The following KMT2A variants were observed in gnomAD, a reference collection of about 807,000 sequenced individuals.
KMT2A encodes the protein histone-lysine N-methyltransferase 2A.
A neutral mutation model predicts 345.3 loss-of-function variants in KMT2A; 16 were observed. That is an observed-to-expected ratio of 0.05 (90% CI 0.03 to 0.07). The LOEUF is 0.07. KMT2A is among the 10% of genes least tolerant of loss of function. KMT2A has a pLI of 1.00. For missense variants in KMT2A, 3,272 were observed against 4,841.6 expected, an observed-to-expected ratio of 0.68 and a Z score of 9.62; for synonymous variants, 1,599 against 1,778.6, an observed-to-expected ratio of 0.90 and a Z score of 2.54.
chr11:118,498,634 C>G lies in KMT2A; in HGVS notation c.5961+106C>G. 6 of 1,126,612 alleles carry G rather than the reference C, an allele frequency of 5.3e-6. No individual in the cohort carries two copies. The highest frequency in any genetic ancestry group is 7.5e-6 in the Non-Finnish European group (6 of 803,078). 69.8% of individuals were successfully genotyped at this position (1,126,612 alleles called of 1,614,324 possible). On this transcript the variant is annotated intron_variant, in intron 22 of 35. Coordinates refer to ENST00000534358, the MANE Select transcript of KMT2A (RefSeq NM_001197104.2). This position sits in a 1 kb window ranked among gnomAD's most constrained non-coding sequence, Gnocchi z 4.4. ...AAGGTACAGAGATTTCCCATATGCC[C>G]CCTGCACCCACATATGCACAGCCTC... is the stretch of plus-strand genomic sequence containing the variant.
intron 11 of KMT2A, 40 bp downstream of exon 11, chr11:118,488,800 A>G (rs367955871): frequency 6.9e-6 from 11 of 1,601,676 alleles, no homozygotes; most frequent in Middle Eastern, 1.7e-4. Context: ...GGGCCTCTGT[A>G]TCAGTGGGTT....
In KMT2A at chr11:118,503,343, A is replaced by G. The variant is rs782475453; in HGVS notation, c.7451A>G (p.Asn2484Ser). 4 of 1,614,006 alleles carry G rather than the reference A, an allele frequency of 2.5e-6. No homozygotes were observed. Among genetic ancestry groups the G allele is most frequent in the South Asian group, 2.2e-5 (2 of 91,082 alleles). Residue 2484 changes from asparagine (N) to serine (S), a missense_variant, in exon 27 of 36, where the codon AAT (asparagine) becomes AGT (serine). Coordinates refer to ENST00000534358, the MANE Select transcript of KMT2A (RefSeq NM_001197104.2). The surrounding 1 kb of genome is among the most constrained non-coding windows in gnomAD (Gnocchi z 5.3). ...TATATGGGCCAACGACCATGTAACA[A>G]TGTTTCTTCTGATAAGATTGGTGAT... ...PEYMGQRPCN[N>S]VSSDKIGDKG... is the part of the protein sequence containing the mutation.
At chr11:118,446,128 C>T (rs1949416121) in intron 1 of KMT2A, among the ~76,000 whole-genome samples, 1 of 149,008 alleles carries the variant, frequency 6.7e-6, no homozygotes, top group Admixed American at 6.7e-5. Context: ...GCAGGCAGAT[C>T]ACTTGAGGTC....
In KMT2A at chr11:118,506,074, G is replaced by A. The variant is rs782591418; in HGVS notation, c.10182G>A (p.Gly3394=). 8.1e-6 allele frequency: 13 copies of A among 1,614,176 alleles called. No individual in the cohort carries two copies. Among genetic ancestry groups the A allele is most frequent in the Non-Finnish European group, 1.1e-5 (13 of 1,180,036 alleles). The change falls in exon 27 of 36, where the codon GGG becomes GGA. Residue 3394 remains glycine, a synonymous_variant. Coordinates refer to ENST00000534358, the MANE Select transcript of KMT2A (RefSeq NM_001197104.2). Reference sequence around the variant, plus strand: ...TCAAAGCTAGCCAGCAGAGCCTGGGGATTCAGGACCAGCCTGTGGCTTTAC... The same window carrying A: ...TCAAAGCTAGCCAGCAGAGCCTGGGAATTCAGGACCAGCCTGTGGCTTTAC... ...LLIKASQQSL[G]IQDQPVALPP...
rs782711321 is a variant in KMT2A at position 118,489,830 on chromosome 11, C to T, written c.4518C>T (p.His1506=). 5 of 1,614,146 alleles carry T rather than the reference C, an allele frequency of 3.1e-6. No individual in the cohort carries two copies. The Admixed American group carries it at 8.3e-5, about 27-fold the overall frequency. The stretch of plus-strand genomic sequence containing the variant: ...GTAATAAGTGCCGAAACAGCTATCA[C>T]CCTGAGTGCCTGGGACCAAACTACC... ...LECNKCRNSY[H]PECLGPNYPT... Residue 1506 remains histidine (H), a synonymous_variant, in exon 12 of 36, where the codon CAC becomes CAT. Coordinates refer to ENST00000534358, the MANE Select transcript of KMT2A (RefSeq NM_001197104.2).
chr11:118,449,394 C>A (rs1456790838), intron 1 of KMT2A: 1 of 147,006 alleles, frequency 6.8e-6, no homozygotes, highest in Non-Finnish European at 1.5e-5. Context: ...CTGATCTCTA[C>A]AAAATAAAAA....
chr11:118,451,441 G>A (rs1949535470), intron 1 of KMT2A, among the ~76,000 whole-genome samples: 1 of 152,064 alleles, frequency 6.6e-6, no homozygotes, highest in Non-Finnish European at 1.5e-5. Context: ...AGGCTGGAGT[G>A]CAGTGGCGCA....
Position 118,504,015 on chromosome 11 carries a change from A to C in KMT2A, c.8123A>C (p.Glu2708Ala). 1 of 1,614,182 alleles carries C rather than the reference A, an allele frequency of 6.2e-7. No homozygotes were observed. Among genetic ancestry groups the C allele is most frequent in the Non-Finnish European group, 8.5e-7 (1 of 1,180,018 alleles). The change falls in exon 27 of 36, where the codon GAG becomes GCG. Residue 2708 changes from glutamate to alanine, a missense_variant. Coordinates refer to ENST00000534358, the MANE Select transcript of KMT2A (RefSeq NM_001197104.2). This position sits in a 1 kb window ranked among gnomAD's most constrained non-coding sequence, Gnocchi z 6.4. ...CTGGCATCCCATAATTTATTTCGGG[A>C]GGAGGAACAGTGTGATCTTCCAAAA... is the stretch of plus-strand genomic sequence containing the variant. The part of the protein sequence containing the change: ...ERLASHNLFR[E>A]EEQCDLPKIS...
Position 118,464,625 on chromosome 11 carries a change from G to A in KMT2A, c.433-4150G>A, listed in dbSNP as rs536154032. ...TTGCACCCAAATCAGCTGCAGACAA[G>A]TGTAGAGCATTCAATGGAAATTTTA... On this transcript the variant is annotated intron_variant, in intron 1 of 35. Coordinates refer to ENST00000534358, the MANE Select transcript of KMT2A (RefSeq NM_001197104.2). 5.9e-5 allele frequency among the ~76,000 whole-genome samples: 9 copies of A among 151,790 alleles called. No individual in the cohort carries two copies. In the South Asian group the frequency reaches 1.3e-3, roughly 21 times the overall value.
In KMT2A at chr11:118,471,712, C is replaced by G. The variant is rs1949945068; in HGVS notation, c.553C>G (p.Arg185Gly). 2 of 1,603,642 alleles carry G rather than the reference C, an allele frequency of 1.2e-6. No homozygotes were observed. Among genetic ancestry groups the G allele is most frequent in the African/African-American group, 1.4e-5 (1 of 74,004 alleles). The change falls in exon 3 of 36, where the codon CGA (arginine) becomes GGA (glycine). Residue 185 changes from arginine (R) to glycine (G), a missense_variant. By Grantham distance (125) the Arg-to-Gly change is moderately radical. Transcript: ENST00000534358. ...TGGGAGACCTAGAAGTGGCTCTGACCGAAATTCAGCTATCCTCTCAGATCC... is the reference window on the plus strand; with the variant it reads ...TGGGAGACCTAGAAGTGGCTCTGACGGAAATTCAGCTATCCTCTCAGATCC... Reference protein sequence around the residue: ...PRGRPRSGSDRNSAILSDPSV... With the variant: ...PRGRPRSGSDGNSAILSDPSV...
At position 118,526,027 on chromosome 11, in the gene KMT2A, A is replaced by G. The variant is rs1310886363; in HGVS notation, c.*3855A>G. 4.6e-6 allele frequency: 1 copy of G among 219,232 alleles called. No homozygotes were observed. Among genetic ancestry groups the G allele is most frequent in the African/African-American group, 2.2e-5 (1 of 44,608 alleles). 13.6% of individuals were successfully genotyped at this position (219,232 alleles called of 1,614,324 possible). ...AATATAGTAATGCACCATGTAACAA[A>G]GCCTAGTTCAGTCCATGGCTTTTAA... is the stretch of plus-strand genomic sequence containing the variant. On this transcript the variant is annotated 3_prime_UTR_variant, in exon 36 of 36. Coordinates refer to ENST00000534358, the MANE Select transcript of KMT2A (RefSeq NM_001197104.2).
At chr11:118,507,094 C>T (rs1950597933) in intron 27 of KMT2A, among the ~76,000 whole-genome samples, 1 of 152,100 alleles carries the variant, frequency 6.6e-6, no homozygotes, top group Non-Finnish European at 1.5e-5. Flanking sequence ...CTCAGGAGTT[C>T]AAGATCAGTC....
chr11:118,457,290 CAG>C (rs1949663416), intron 1 of KMT2A, among the ~76,000 whole-genome samples: 2 of 100,030 alleles, frequency 2.0e-5, no homozygotes, highest in East Asian at 3.6e-4. Flanking sequence ...TTTTTTGAGA[CAG>C]AGTCTTGCTC....
intron 23 of KMT2A, 61 bp downstream of exon 23, chr11:118,499,481 C>T (rs1479909114): frequency 2.7e-6 from 3 of 1,111,118 alleles, no homozygotes; most frequent in Non-Finnish European, 4.2e-6. Flanking sequence ...ATTTCTGGTC[C>T]TCAGTTATAA....
Position 118,497,344 on chromosome 11 carries a change from A to G in KMT2A, c.5665-592A>G, listed in dbSNP as rs541230473. Among the ~76,000 whole-genome samples the G allele has an allele frequency of 2.3e-4, 35 of 152,272 alleles. No homozygotes were observed. Among genetic ancestry groups the G allele is most frequent in the African/African-American group, 6.7e-4 (28 of 41,556 alleles). Reference sequence around the variant, plus strand: ...CATCTGAGAGAACTGGCTTTGAAATACAGTTTATAGATGTCACTGCACATT... The same window carrying G: ...CATCTGAGAGAACTGGCTTTGAAATGCAGTTTATAGATGTCACTGCACATT... On this transcript the variant is annotated intron_variant, in intron 20 of 35. Transcript: ENST00000534358. The surrounding 1 kb of genome is among the most constrained non-coding windows in gnomAD (Gnocchi z 4.8).
At position 118,436,684 on chromosome 11, in the gene KMT2A, C is replaced by A. The variant is rs1217431375; in HGVS notation, c.172C>A (p.Pro58Thr). 25 of 1,275,100 alleles carry A rather than the reference C, an allele frequency of 2.0e-5. No individual in the cohort carries two copies. Among genetic ancestry groups the A allele is most frequent in the Non-Finnish European group, 2.5e-5 (25 of 1,008,824 alleles). The allele number at this position is 1,275,100 out of a possible 1,614,324, so 79.0% of individuals were successfully genotyped here. The stretch of plus-strand genomic sequence containing the variant: ...CGGCCCCGGGGCGCCCCCCTCCCCC[C>A]CGGCTGTGGCGGCCGCGGCGGCGGC... ...GGGPGAPPSP[P>T]AVAAAAAAAG... Residue 58 changes from proline to threonine, a missense_variant, in exon 1 of 36, where the codon CCG becomes ACG. Around this residue, in one of 27 missense-constraint regions of KMT2A, gnomAD observed 412 missense variants for 511.0 expected, o/e 0.81. Coordinates refer to ENST00000534358, the MANE Select transcript of KMT2A (RefSeq NM_001197104.2). The surrounding 1 kb of genome is among the most constrained non-coding windows in gnomAD (Gnocchi z 6.9).
chr11:118,473,988 T>G lies in KMT2A; in HGVS notation c.2829T>G (p.Thr943=). The G allele has an allele frequency of 3.1e-6, 5 of 1,613,786 alleles. No homozygotes were observed. The highest frequency in any genetic ancestry group is 4.2e-6 in the Non-Finnish European group (5 of 1,179,866). ...RKKSSSHDSG[T]DITSVTLGDT... ...AGTCTTCATCACATGATTCTGGGACTGATATTACTTCTGTGACTCTTGGGG... is the reference window on the plus strand; with the variant it reads ...AGTCTTCATCACATGATTCTGGGACGGATATTACTTCTGTGACTCTTGGGG... The change falls in exon 3 of 36, where the codon ACT becomes ACG. Residue 943 remains threonine (T), a synonymous_variant. Coordinates refer to ENST00000534358, the MANE Select transcript of KMT2A (RefSeq NM_001197104.2). This position sits in a 1 kb window ranked among gnomAD's most constrained non-coding sequence, Gnocchi z 5.2.
chr11:118,482,398 T>C, intron 7 of KMT2A, 24 bp from the exon 8 acceptor site: 3 of 1,586,394 alleles, frequency 1.9e-6, no homozygotes, highest in Non-Finnish European at 2.6e-6. Flanking sequence ...AGCATCTGAC[T>C]GCAATTTATT....
chr11:118,522,171 A>G lies in KMT2A; in HGVS notation c.11918A>G (p.Ter3973=), dbSNP rs1555053784. The change falls in exon 36 of 36, where the codon TAA becomes TGA. Residue 3973 remains the stop codon, a stop_retained_variant. Transcript: ENST00000534358. The surrounding 1 kb of genome is among the most constrained non-coding windows in gnomAD (Gnocchi z 5.4). ...GAKKCRKFLN[*] is the part of the protein sequence containing the mutation. The stretch of plus-strand genomic sequence containing the variant: ...AAGAAATGCCGGAAGTTCCTAAACT[A>G]AAGCTGCTCTTCTCCCCCAGTGTTG... 1 of 1,613,466 alleles carries G rather than the reference A, an allele frequency of 6.2e-7. No homozygotes were observed. The highest frequency in any genetic ancestry group is 1.7e-5 in the Admixed American group (1 of 60,022).
Sources: gnomAD v4.1 joint callset for allele counts (sites outside exome capture counted in the v4.1 genomes callset) on GRCh38, gnomAD v4.1.1 for gene constraint, gnomAD v4.1.1 regional missense constraint, Gnocchi (gnomAD v3.1) non-coding constraint, MANE v1.5 for transcripts, NCBI Gene and HGNC (gene_info 2026-07-23, HGNC 2026-07-21) for gene names.